The following LRRC4C variants were observed in gnomAD, a reference collection of about 807,000 sequenced individuals.
The protein encoded by LRRC4C is leucine-rich repeat-containing protein 4C.
LRRC4C carries 5 observed loss-of-function variants against 33.6 expected under a neutral mutation model. The ratio of observed to expected loss-of-function variants is 0.15; its 90% CI spans 0.08 to 0.31. The LOEUF is 0.31. Ranked by LOEUF, LRRC4C falls within the 10% of genes least tolerant of loss-of-function variation. The probability of loss-of-function intolerance (pLI) is 1.00; values close to 1 mark genes in which losing one functional copy is unlikely to be tolerated. For synonymous variants in LRRC4C, 329 were observed against 302.0 expected (o/e 1.09, Z -0.93); for missense variants, 560 against 796.7 (o/e 0.70, Z 3.58).
At chr11:40,779,517 C>T (rs1357536065) in intron 2 of LRRC4C, among the ~76,000 whole-genome samples, 1 of 151,970 alleles carries the variant, frequency 6.6e-6, no homozygotes, top group African/African-American at 2.4e-5. Context: ...TCTTATATTA[C>T]CCAGTCCTCA....
intron 5 of LRRC4C, among the ~76,000 whole-genome samples, chr11:40,152,625 C>T (rs1224591430): frequency 6.4e-4 from 98 of 152,116 alleles, no homozygotes; most frequent in Admixed American, 6.6e-5. Context: ...GAGACCGGCC[C>T]TTCAGTTTGT....
chr11:40,642,567 A>T (rs1942188101), intron 3 of LRRC4C, among the ~76,000 whole-genome samples: 2 of 152,190 alleles, frequency 1.3e-5, no homozygotes, highest in Non-Finnish European at 2.9e-5. Flanking sequence ...TGTTATAGCT[A>T]TGTTGATCTA....
intron 1 of LRRC4C, among the ~76,000 whole-genome samples, chr11:41,246,145 C>A (rs1251400799): frequency 6.6e-6 from 1 of 152,148 alleles, no homozygotes; most frequent in South Asian, 2.1e-4. Context: ...GTCCATGGCA[C>A]CCAGGATGCC....
At chr11:40,336,894 G>A (rs569029446) in intron 3 of LRRC4C, among the ~76,000 whole-genome samples, 2 of 147,898 alleles carry the variant, frequency 1.4e-5, no homozygotes, top group South Asian at 2.2e-4. Flanking sequence ...GGAGAATGGC[G>A]TGAACCCGGA....
chr11:41,154,352 C>T (rs1046304439), intron 1 of LRRC4C, among the ~76,000 whole-genome samples: 2 of 152,056 alleles, frequency 1.3e-5, no homozygotes, highest in Non-Finnish European at 2.9e-5. Context: ...TTCATCTGTA[C>T]CACCTCTGTT....
At chr11:40,301,046 C>A (rs1195516436) in intron 4 of LRRC4C, among the ~76,000 whole-genome samples, 2 of 152,138 alleles carry the variant, frequency 1.3e-5, no homozygotes, top group Non-Finnish European at 2.9e-5. Flanking sequence ...TGATAATCTT[C>A]CTAGGAGGAT....
chr11:40,135,853 G>A (rs993416812), intron 6 of LRRC4C, among the ~76,000 whole-genome samples: 2 of 152,102 alleles, frequency 1.3e-5, no homozygotes, highest in Admixed American at 6.5e-5. Context: ...AAGGCATACC[G>A]CAAAAATAAA....
At chr11:41,238,971 C>A (rs192987727) in intron 1 of LRRC4C, among the ~76,000 whole-genome samples, 5 of 151,876 alleles carry the variant, frequency 3.3e-5, no homozygotes, top group East Asian at 3.9e-4. Flanking sequence ...AGAAAGGCCA[C>A]GTATTTCTAT....
At chr11:40,584,222 G>A (rs1958607676) in intron 3 of LRRC4C, among the ~76,000 whole-genome samples, 1 of 89,666 alleles carries the variant, frequency 1.1e-5, no homozygotes, top group South Asian at 3.9e-4. Flanking sequence ...TTTGTGATGG[G>A]GGGACAGTCT....
intron 3 of LRRC4C, among the ~76,000 whole-genome samples, chr11:40,478,229 G>A (rs966230951): frequency 6.6e-6 from 1 of 152,120 alleles, no homozygotes; most frequent in Non-Finnish European, 1.5e-5. Flanking sequence ...TATTATCTAT[G>A]TTTTTAATTG....
chr11:40,857,353 T>G (rs1394075134), intron 2 of LRRC4C, among the ~76,000 whole-genome samples: 1 of 152,144 alleles, frequency 6.6e-6, no homozygotes. Flanking sequence ...ATCTCCCCAC[T>G]GACCCTGCCA....
chr11:41,001,915 T>G (rs2137395187), intron 1 of LRRC4C, among the ~76,000 whole-genome samples: 1 of 152,160 alleles, frequency 6.6e-6, no homozygotes, highest in Non-Finnish European at 1.5e-5. Flanking sequence ...TGTAGATATT[T>G]ATGTTACTGA....
chr11:41,130,140 TTCTC>T (rs1942945652), intron 1 of LRRC4C, among the ~76,000 whole-genome samples: 1 of 151,912 alleles, frequency 6.6e-6, no homozygotes, highest in South Asian at 2.1e-4. Flanking sequence ...CCTCATGTAT[TTCTC>T]TCCTTTCTTT....
At chr11:41,309,937 C>T (rs1170082703) in intron 1 of LRRC4C, among the ~76,000 whole-genome samples, 3 of 152,222 alleles carry the variant, frequency 2.0e-5, no homozygotes, top group Non-Finnish European at 2.9e-5. Context: ...ATCTCACTAG[C>T]GCCTCCTATC....
intron 1 of LRRC4C, among the ~76,000 whole-genome samples, chr11:41,163,496 C>A (rs1944576108): frequency 1.3e-5 from 2 of 151,718 alleles, no homozygotes; most frequent in South Asian, 4.2e-4. Flanking sequence ...GTTGGCCAGG[C>A]TGGTATCAAA....
In LRRC4C at chr11:41,303,968, CG is replaced by C. The variant is rs970767946; in HGVS notation, c.-496+155462del. ...CTGGGAAGTGAGGAGCGTCTCCGCC[CG>C]GCAGCCACCCCGTCCGGGAGGGAGG... is the stretch of plus-strand genomic sequence containing the variant. On this transcript the variant is annotated intron_variant, in intron 1 of 6. Transcript: ENST00000528697. Among the ~76,000 whole-genome samples, 2 of 93,560 alleles carry C rather than the reference CG, an allele frequency of 2.1e-5. 1 individual carries two copies. Among genetic ancestry groups the C allele is most frequent in the Non-Finnish European group, 4.8e-5 (2 of 41,324 alleles). 61.4% of individuals were successfully genotyped at this position (93,560 alleles called of 152,430 possible). A position where few individuals can be genotyped will look rare whatever the true frequency, so the allele number is the denominator to read the frequency against.
chr11:41,200,625 T>C (rs1429349358), intron 1 of LRRC4C, among the ~76,000 whole-genome samples: 3 of 152,126 alleles, frequency 2.0e-5, no homozygotes, highest in Non-Finnish European at 4.4e-5. Context: ...GTGAAAATAT[T>C]TCTAGAATAG....
At chr11:40,838,838 C>T (rs1001456656) in intron 2 of LRRC4C, among the ~76,000 whole-genome samples, 2 of 151,906 alleles carry the variant, frequency 1.3e-5, no homozygotes, top group Admixed American at 6.6e-5. Context: ...GATAAGCCAT[C>T]TCTTATAATT....
chr11:41,142,005 A>C (rs115108398), intron 1 of LRRC4C, among the ~76,000 whole-genome samples: 7,331 of 152,224 alleles, frequency 0.048, 279 homozygotes, highest in African/African-American at 0.11. Context: ...CAAAAGATAA[A>C]AGTATTCAAT....
Sources: allele counts gnomAD v4.1 joint callset (sites outside exome capture counted in the v4.1 genomes callset), GRCh38; gene constraint gnomAD v4.1.1; transcripts MANE v1.5; gene names NCBI Gene and HGNC (gene_info 2026-07-23, HGNC 2026-07-21).